Variants in ABCA8 observed in about 807,000 individuals in gnomAD.
ABCA8 encodes the protein ATP binding cassette subfamily A member 8, also known as ABC-type organic anion transporter ABCA8.
In ABCA8, 177 loss-of-function variants were observed where a neutral mutation model predicts 192.3. The ratio of observed to expected loss-of-function variants is 0.92; its 90% CI spans 0.81 to 1.04. The LOEUF is 1.04. ABCA8 is among the 50% of genes least tolerant of loss of function. The pLI is 0.00. For missense variants in ABCA8, 1,915 were observed against 1,904.8 expected, an observed-to-expected ratio of 1.01 and a Z score of -0.10; for synonymous variants, 642 against 690.2, an observed-to-expected ratio of 0.93 and a Z score of 1.09.
At chr17:68,923,227 T>A (rs1201442204) in intron 11 of ABCA8, among the ~76,000 whole-genome samples, 2 of 150,660 alleles carry the variant, frequency 1.3e-5, no homozygotes, top group Non-Finnish European at 2.9e-5. Context: ...TGAGAGAGAG[T>A]CTTGCTCTAT....
At chr17:68,934,269 T>C (rs2143716968) in intron 5 of ABCA8, among the ~76,000 whole-genome samples, 1 of 152,202 alleles carries the variant, frequency 6.6e-6, no homozygotes, top group Middle Eastern at 3.4e-3. Flanking sequence ...TTGATAACAA[T>C]TTGGTTAGTT....
chr17:68,938,664 G>A (rs781369523), intron 4 of ABCA8, among the ~76,000 whole-genome samples: 6 of 152,028 alleles, frequency 3.9e-5, no homozygotes, highest in South Asian at 2.1e-4. Flanking sequence ...GTACAAACTC[G>A]AAGTCACTTT....
chr17:68,933,247 T>A lies in ABCA8; in HGVS notation c.491A>T (p.Asp164Val), dbSNP rs1436760125. ...AAATACTGAAACTTCACAGTAAACA[T>A]CTTCATTTGTTTCATAACAATGAGC... Reference protein sequence around the residue: ...HTAHCYETNEDVYCEVSVFWK... With the variant: ...HTAHCYETNEVVYCEVSVFWK... Residue 164 changes from aspartate to valine, a missense_variant, in exon 6 of 40, where the codon GAT becomes GTT. Asp to Val is a radical substitution (Grantham distance 152). Coordinates refer to ENST00000586539, the MANE Select transcript of ABCA8 (RefSeq NM_001288985.2). 6.2e-7 allele frequency: 1 copy of A among 1,611,776 alleles called. No homozygotes were observed. The highest frequency in any genetic ancestry group is 1.1e-5 in the South Asian group (1 of 90,918).
intron 30 of ABCA8, 70 bp downstream of exon 30, chr17:68,882,529 G>T: frequency 7.1e-7 from 1 of 1,413,396 alleles, no homozygotes; most frequent in Non-Finnish European, 9.5e-7. Flanking sequence ...AAGGAACAGA[G>T]AAACTCAAAA....
chr17:68,887,635 G>C (rs2066499783), intron 24 of ABCA8, 129 bp from the exon 25 acceptor site: 1 of 757,914 alleles, frequency 1.3e-6, no homozygotes, highest in Admixed American at 3.0e-5. Context: ...TCTGGACTAA[G>C]GGATGTGGAT....
chr17:68,913,562 A>G (rs192388630), intron 17 of ABCA8, among the ~76,000 whole-genome samples: 12 of 152,226 alleles, frequency 7.9e-5, no homozygotes, highest in African/African-American at 1.2e-4. Flanking sequence ...ATAACAACTG[A>G]TACTGCAGAA....
chr17:68,868,779 C>A (rs2065977066), intron 38 of ABCA8, among the ~76,000 whole-genome samples: 1 of 152,128 alleles, frequency 6.6e-6, no homozygotes, highest in African/African-American at 2.4e-5. Flanking sequence ...AAAACCATTG[C>A]AGCTTCCTCT....
chr17:68,882,550 A>T (rs1188330288), intron 30 of ABCA8, 49 bp downstream of exon 30: 7 of 1,525,366 alleles, frequency 4.6e-6, no homozygotes, highest in Non-Finnish European at 6.2e-6. Context: ...TCATTAGAGA[A>T]TTAGACTGGT....
rs2066689116 is a variant in ABCA8, at chr17:68,894,167, A to G, written c.3036+6T>C. ...AGTCAGGAATTGTAAGATTATATAT[A>G]TTTACCTCCAAAAATGTACTTCTTT... is the stretch of plus-strand genomic sequence containing the variant. On this transcript the variant is annotated splice_donor_region_variant and intron_variant, in intron 23 of 39. Coordinates refer to ENST00000586539, the MANE Select transcript of ABCA8 (RefSeq NM_001288985.2). 1.7e-5 allele frequency: 27 copies of G among 1,612,592 alleles called. No homozygotes were observed. The East Asian group carries it at 2.5e-4, about 15-fold the overall frequency.
chr17:68,931,388 T>A (rs1411630194), intron 7 of ABCA8, among the ~76,000 whole-genome samples: 1 of 152,220 alleles, frequency 6.6e-6, no homozygotes. Flanking sequence ...AAAAGTGGCA[T>A]TTTCTTATTC....
chr17:68,923,902 T>C (rs1290615399), intron 11 of ABCA8, among the ~76,000 whole-genome samples: 1 of 152,114 alleles, frequency 6.6e-6, no homozygotes, highest in African/African-American at 2.4e-5. Flanking sequence ...CCAAACAAAA[T>C]GGACATTTTG....
At chr17:68,938,515 G>A (rs1290145860) in intron 4 of ABCA8, among the ~76,000 whole-genome samples, 2 of 152,020 alleles carry the variant, frequency 1.3e-5, no homozygotes, top group Non-Finnish European at 2.9e-5. Flanking sequence ...GCCCTTGGTG[G>A]GAGTTATGTT....
At position 68,907,791 on chromosome 17, in the gene ABCA8, C is replaced by T. The variant is rs375564696; in HGVS notation, c.2227G>A (p.Glu743Lys). The T allele has an allele frequency of 8.6e-5, 139 of 1,608,296 alleles. No homozygotes were observed. Among genetic ancestry groups the T allele is most frequent in the African/African-American group, 6.2e-4 (46 of 74,788 alleles). ...IPDAKLSAKSEGKLIYTLPLE... is the reference protein window; with the variant it reads ...IPDAKLSAKSKGKLIYTLPLE... ...GGTAATGTATAAATAAGTTTTCCTT[C>T]GCTTTTGGCTGATAATTTGGCATCA... The change falls in exon 18 of 40, where the codon GAA (glutamate) becomes AAA (lysine). Residue 743 changes from glutamate to lysine, a missense_variant. Physicochemically the swap from Glu to Lys is moderately conservative, Grantham distance 56. Transcript: ENST00000586539.
At chr17:68,928,443 C>A (rs895349812) in intron 9 of ABCA8, among the ~76,000 whole-genome samples, 1 of 152,116 alleles carries the variant, frequency 6.6e-6, no homozygotes, top group East Asian at 1.9e-4. Context: ...GGGCAAAAGG[C>A]ACTGCTGTGT....
At chr17:68,903,129 C>A (rs193120296) in intron 20 of ABCA8, among the ~76,000 whole-genome samples, 172 bp downstream of exon 20, 1 of 152,226 alleles carries the variant, frequency 6.6e-6, no homozygotes, top group East Asian at 1.9e-4. Flanking sequence ...CAATATTTGT[C>A]CTTTGGATGT....
chr17:68,900,660 T>G (rs1475872891), intron 21 of ABCA8, among the ~76,000 whole-genome samples: 1 of 151,730 alleles, frequency 6.6e-6, no homozygotes, highest in Non-Finnish European at 1.5e-5. Flanking sequence ...ATATCCCTTA[T>G]GAATAGAGAT....
At position 68,901,270 on chromosome 17, in the gene ABCA8, T is replaced by A. The variant is rs1167264543; in HGVS notation, c.2764+1443A>T. Among the ~76,000 whole-genome samples the A allele has an allele frequency of 6.5e-5, 9 of 138,866 alleles. No homozygotes were observed. In the East Asian group the frequency reaches 1.8e-3, roughly 28 times the overall value. The allele number at this position is 138,866 out of a possible 152,430, so 91.1% of individuals were successfully genotyped here. A position where few individuals can be genotyped will look rare whatever the true frequency, so the allele number is the denominator to read the frequency against. ...CCTACTGTATCTGATAAAAGAATTT[T>A]TATCATAACACTTAGAACTCAATTA... On this transcript the variant is annotated intron_variant, in intron 21 of 39. Coordinates refer to ENST00000586539, the MANE Select transcript of ABCA8 (RefSeq NM_001288985.2).
chr17:68,885,343 C>A, intron 26 of ABCA8, 28 bp from the exon 27 acceptor site: 1 of 1,582,094 alleles, frequency 6.3e-7, no homozygotes. Context: ...GAAGGTTAAT[C>A]ACTCTGAATT....
intron 14 of ABCA8, among the ~76,000 whole-genome samples, chr17:68,918,878 C>T (rs552604699): frequency 2.1e-5 from 3 of 141,806 alleles, no homozygotes; most frequent in South Asian, 2.2e-4. Flanking sequence ...TACAGTGAGC[C>T]GGCATAGGGC....
Sources: gnomAD v4.1 joint callset for allele counts (sites outside exome capture counted in the v4.1 genomes callset) on GRCh38, gnomAD v4.1.1 for gene constraint, MANE v1.5 for transcripts, NCBI Gene and HGNC (gene_info 2026-07-23, HGNC 2026-07-21) for gene names.